DCLK2: variants seen among roughly 807,000 people sequenced by gnomAD.
The protein encoded by DCLK2 is serine/threonine-protein kinase DCLK2.
In DCLK2, 31 loss-of-function variants were observed where a neutral mutation model predicts 78.4. The ratio of observed to expected loss-of-function variants is 0.40; its 90% confidence interval spans 0.30 to 0.53. The LOEUF (loss-of-function observed/expected upper bound fraction) is 0.53. Ranked by LOEUF, DCLK2 falls within the 20% of genes least tolerant of loss-of-function variation. The pLI is 0.61. For synonymous variants in DCLK2, 407 were observed against 374.9 expected (o/e 1.09, Z -0.99); for missense variants, 872 against 973.7 (o/e 0.90, Z 1.39).
chr4:150,141,019 C>T (rs891816550), intron 2 of DCLK2, among the ~76,000 whole-genome samples: 5 of 152,088 alleles, frequency 3.3e-5, no homozygotes, highest in Non-Finnish European at 7.4e-5. Flanking sequence ...TCATCTAATC[C>T]GCTGTTTTAT....
chr4:150,189,585 G>A (rs192035908), intron 2 of DCLK2, among the ~76,000 whole-genome samples: 5 of 152,256 alleles, frequency 3.3e-5, no homozygotes, highest in African/African-American at 1.2e-4. Context: ...GTATAACCTC[G>A]TGGGATTGTT....
intron 1 of DCLK2, among the ~76,000 whole-genome samples, chr4:150,080,280 G>A (rs1165341359): frequency 6.6e-6 from 1 of 152,188 alleles, no homozygotes; most frequent in Non-Finnish European, 1.5e-5. Context: ...CAGCAGTGGG[G>A]ACTTATTAAA....
At chr4:150,134,270 T>C (rs4835175) in intron 2 of DCLK2, among the ~76,000 whole-genome samples, 93,849 of 151,348 alleles carry the variant, frequency 0.62, 29,276 homozygotes, top group South Asian at 0.77. Flanking sequence ...TTAGTAGAGA[T>C]GCGGTTTCAC....
chr4:150,115,876 A>G (rs1313178063), intron 2 of DCLK2, among the ~76,000 whole-genome samples: 2 of 152,230 alleles, frequency 1.3e-5, no homozygotes, highest in Non-Finnish European at 2.9e-5. Context: ...TGGCTAAAGC[A>G]GGTGGGTAAA....
chr4:150,129,176 A>G (rs1733118462), intron 2 of DCLK2, among the ~76,000 whole-genome samples: 1 of 152,178 alleles, frequency 6.6e-6, no homozygotes, highest in Non-Finnish European at 1.5e-5. Context: ...TGAATGACTT[A>G]AAACAGACAC....
chr4:150,081,469 A>G (rs1248166275), intron 1 of DCLK2, among the ~76,000 whole-genome samples: 1 of 152,214 alleles, frequency 6.6e-6, no homozygotes, highest in African/African-American at 2.4e-5. Context: ...ATGGAGTCCA[A>G]ATCATACCAA....
chr4:150,234,287 C>G (rs1742310489), intron 10 of DCLK2, among the ~76,000 whole-genome samples: 1 of 152,230 alleles, frequency 6.6e-6, no homozygotes, highest in Admixed American at 6.5e-5. Flanking sequence ...GCTGCACTTG[C>G]TACGGTGTTG....
intron 2 of DCLK2, among the ~76,000 whole-genome samples, chr4:150,105,202 A>G (rs902289017): frequency 5.9e-5 from 9 of 152,174 alleles, no homozygotes; most frequent in Non-Finnish European, 1.3e-4. Flanking sequence ...TTTTCTAAGC[A>G]TAACGTAATG....
chr4:150,097,536 G>T (rs1165813839), intron 1 of DCLK2, among the ~76,000 whole-genome samples: 2 of 152,178 alleles, frequency 1.3e-5, no homozygotes, highest in Non-Finnish European at 1.5e-5. Flanking sequence ...AAGGATGAAA[G>T]TTAACGGCCT....
chr4:150,213,083 A>C (rs1740432959), intron 5 of DCLK2, among the ~76,000 whole-genome samples: 1 of 152,196 alleles, frequency 6.6e-6, no homozygotes, highest in East Asian at 1.9e-4. Flanking sequence ...CAGTAAGCCA[A>C]CACCTTACTC....
chr4:150,135,277 A>G (rs1733614564), intron 2 of DCLK2, among the ~76,000 whole-genome samples: 1 of 152,162 alleles, frequency 6.6e-6, no homozygotes, highest in Non-Finnish European at 1.5e-5. Context: ...AGAAACTTTT[A>G]AAAGTCCTGA....
At chr4:150,164,814 T>C (rs1735950124) in intron 2 of DCLK2, among the ~76,000 whole-genome samples, 1 of 151,998 alleles carries the variant, frequency 6.6e-6, no homozygotes, top group African/African-American at 2.4e-5. Context: ...AAAAATTAAG[T>C]CCAGTTATAT....
At chr4:150,212,581 G>T (rs976502646) in intron 5 of DCLK2, among the ~76,000 whole-genome samples, 1 of 152,124 alleles carries the variant, frequency 6.6e-6, no homozygotes, top group Admixed American at 6.5e-5. Context: ...CAAAAGAGGG[G>T]CTAAGCAGTT....
intron 2 of DCLK2, among the ~76,000 whole-genome samples, chr4:150,140,943 A>G (rs930684004): frequency 1.3e-5 from 2 of 152,200 alleles, no homozygotes; most frequent in African/African-American, 4.8e-5. Context: ...AAAACAGTCT[A>G]CCTAGCCAGG....
chr4:150,246,455 G>A (rs75666491), intron 12 of DCLK2, among the ~76,000 whole-genome samples: 3 of 152,160 alleles, frequency 2.0e-5, no homozygotes, highest in African/African-American at 7.2e-5. Flanking sequence ...AGGACACCAC[G>A]CTTGCCCTTG....
chr4:150,245,588 A>G (rs540431443), intron 12 of DCLK2, among the ~76,000 whole-genome samples: 5 of 152,074 alleles, frequency 3.3e-5, no homozygotes, highest in South Asian at 2.1e-4. Flanking sequence ...TCATTGTTCA[A>G]TTCCCACCTA....
intron 2 of DCLK2, among the ~76,000 whole-genome samples, chr4:150,160,254 G>A (rs1735610057): frequency 6.6e-6 from 1 of 152,140 alleles, no homozygotes; most frequent in African/African-American, 2.4e-5. Context: ...CTGAGCTCAA[G>A]CAATCCACCT....
At chr4:150,206,442 A>T (rs1739847622) in intron 5 of DCLK2, among the ~76,000 whole-genome samples, 2 of 152,156 alleles carry the variant, frequency 1.3e-5, no homozygotes, top group African/African-American at 4.8e-5. Flanking sequence ...ACATAAGATT[A>T]TAAGTAAGAC....
intron 2 of DCLK2, among the ~76,000 whole-genome samples, chr4:150,190,275 A>G (rs1300795547): frequency 1.4e-5 from 2 of 144,426 alleles, no homozygotes; most frequent in African/African-American, 5.8e-5. Context: ...AGATAGATAG[A>G]TAGATAGATA....
Sources: allele counts gnomAD v4.1 joint callset (sites outside exome capture counted in the v4.1 genomes callset), GRCh38; gene constraint gnomAD v4.1.1; transcripts MANE v1.5; gene names NCBI Gene and HGNC (gene_info 2026-07-23, HGNC 2026-07-21).